Variants in CENPP observed in about 807,000 individuals in gnomAD.
The protein encoded by CENPP is centromere protein P.
A neutral mutation model predicts 35.6 loss-of-function variants in CENPP; 24 were observed. The observed-to-expected ratio is 0.67, with a 90% CI of 0.49 to 0.95. The LOEUF (loss-of-function observed/expected upper bound fraction) is 0.95. CENPP is among the 40% of genes least tolerant of loss of function. The probability of loss-of-function intolerance (pLI) is 0.00; values close to 1 mark genes in which losing one functional copy is unlikely to be tolerated. For missense variants in CENPP, 332 were observed against 345.3 expected (o/e 0.96, Z 0.31); for synonymous variants, 120 against 125.5 (o/e 0.96, Z 0.29).
intron 5 of CENPP, among the ~76,000 whole-genome samples, chr9:92,566,191 C>T (rs1024248489): frequency 1.3e-5 from 2 of 151,470 alleles, no homozygotes; most frequent in Non-Finnish European, 2.9e-5. Flanking sequence ...ATCCCAGCTA[C>T]TCGGGAGGCT....
intron 5 of CENPP, among the ~76,000 whole-genome samples, chr9:92,582,488 A>T (rs1850451089): frequency 6.6e-6 from 1 of 152,240 alleles, no homozygotes; most frequent in Admixed American, 6.5e-5. Flanking sequence ...TCTTCCCAAG[A>T]TAACAAGTGT....
At chr9:92,552,004 G>C (rs1287828053) in intron 5 of CENPP, among the ~76,000 whole-genome samples, 1 of 138,728 alleles carries the variant, frequency 7.2e-6, no homozygotes, top group African/African-American at 2.6e-5. Flanking sequence ...ATATATATGT[G>C]TATATATATG....
chr9:92,512,160 G>A, intron 5 of CENPP: 7 of 1,467,030 alleles, frequency 4.8e-6, no homozygotes, highest in Non-Finnish European at 6.7e-6. Context: ...TTAGGCATGT[G>A]TGCATATACA....
intron 5 of CENPP, among the ~76,000 whole-genome samples, chr9:92,597,503 C>T (rs1398886992): frequency 1.3e-5 from 2 of 152,008 alleles, no homozygotes; most frequent in Non-Finnish European, 2.9e-5. Flanking sequence ...GAGTTTAAAC[C>T]TTAATGATAA....
At chr9:92,475,683 C>T (rs1845689470) in intron 5 of CENPP, among the ~76,000 whole-genome samples, 1 of 152,196 alleles carries the variant, frequency 6.6e-6, no homozygotes, top group Admixed American at 6.5e-5. Flanking sequence ...TAACTGATTT[C>T]TCTCCACCTT....
chr9:92,613,800 C>G lies in CENPP; in HGVS notation c.*651C>G, dbSNP rs901617507. ...AATGAGGTCCTTTATGAAAGAAAGA[C>G]CCCCCTGCATAGCCTAAGTGCTATA... On this transcript the variant is annotated 3_prime_UTR_variant, in exon 8 of 8. Coordinates refer to ENST00000375587, the MANE Select transcript of CENPP (RefSeq NM_001012267.3). 2 of 153,702 alleles carry G rather than the reference C, an allele frequency of 1.3e-5. No individual in the cohort carries two copies. Among genetic ancestry groups the G allele is most frequent in the Non-Finnish European group, 2.9e-5 (2 of 69,020 alleles). The allele number at this position is 153,702 out of a possible 1,614,324, so 9.5% of individuals were successfully genotyped here.
chr9:92,424,848 G>T (rs1488924314), intron 5 of CENPP, among the ~76,000 whole-genome samples: 1 of 151,676 alleles, frequency 6.6e-6, no homozygotes, highest in East Asian at 1.9e-4. Flanking sequence ...CTAATTTCTT[G>T]TATTTTTAGT....
chr9:92,419,463 G>T (rs1252763083), intron 5 of CENPP, among the ~76,000 whole-genome samples: 1 of 151,820 alleles, frequency 6.6e-6, no homozygotes, highest in Non-Finnish European at 1.5e-5. Flanking sequence ...ACCACACCCG[G>T]CTAATTTTTG....
intron 4 of CENPP, among the ~76,000 whole-genome samples, chr9:92,358,621 A>G (rs1016897582): frequency 4.6e-5 from 7 of 152,088 alleles, no homozygotes; most frequent in African/African-American, 1.4e-4. Flanking sequence ...CTATTGTCCT[A>G]TCTCCAGGTT....
intron 5 of CENPP, among the ~76,000 whole-genome samples, chr9:92,514,387 G>A (rs578089338): frequency 1.3e-5 from 2 of 150,490 alleles, no homozygotes; most frequent in South Asian, 2.1e-4. Context: ...CGATTCTCCT[G>A]CCTCGGCCTT....
intron 5 of CENPP, among the ~76,000 whole-genome samples, chr9:92,390,547 A>T (rs1432905352): frequency 6.7e-6 from 1 of 148,834 alleles, no homozygotes; most frequent in Non-Finnish European, 1.5e-5. Context: ...AGTGACACAG[A>T]TTGAGAGAGA....
intron 5 of CENPP, among the ~76,000 whole-genome samples, chr9:92,458,910 A>G (rs1043488890): frequency 6.6e-6 from 1 of 152,170 alleles, no homozygotes; most frequent in African/African-American, 2.4e-5. Flanking sequence ...GTTTAAAGAT[A>G]CACCGGAAAG....
At chr9:92,469,385 C>G (rs1052730525) in intron 5 of CENPP, among the ~76,000 whole-genome samples, 10 of 152,098 alleles carry the variant, frequency 6.6e-5, no homozygotes, top group African/African-American at 2.4e-4. Flanking sequence ...GATTGAGCAT[C>G]CCTCAGTCTG....
At chr9:92,356,102 T>C (rs926530440) in intron 4 of CENPP, among the ~76,000 whole-genome samples, 1 of 152,168 alleles carries the variant, frequency 6.6e-6, no homozygotes, top group Non-Finnish European at 1.5e-5. Flanking sequence ...TATTTAAAAA[T>C]ATATGGAAGT....
chr9:92,417,144 T>C (rs1843638073), intron 5 of CENPP: 1 of 1,613,730 alleles, frequency 6.2e-7, no homozygotes, highest in African/African-American at 1.3e-5. Flanking sequence ...TTTGGAAGCT[T>C]AGCAAACACA....
chr9:92,511,665 T>C (rs570551019), intron 5 of CENPP, among the ~76,000 whole-genome samples: 1 of 152,078 alleles, frequency 6.6e-6, no homozygotes, highest in East Asian at 1.9e-4. Context: ...TTAACAGAGG[T>C]TCCAGATAGG....
In CENPP at chr9:92,380,469, T is replaced by C. The variant is rs547404089; in HGVS notation, c.564+610T>C. On this transcript the variant is annotated intron_variant, in intron 5 of 7. Coordinates refer to ENST00000375587, the MANE Select transcript of CENPP (RefSeq NM_001012267.3). ...CAGCAACCAGTTCTGAAAGTCAACT[T>C]AAATAATATTTCAGGGTTCAGATTC... is the stretch of plus-strand genomic sequence containing the variant. Among the ~76,000 whole-genome samples, 13 of 129,762 alleles carry C rather than the reference T, an allele frequency of 1.0e-4. No individual in the cohort carries two copies. The East Asian group carries it at 2.6e-3, about 26-fold the overall frequency. The allele number at this position is 129,762 out of a possible 152,430, so 85.1% of individuals were successfully genotyped here.
At chr9:92,370,698 T>C (rs1841987593) in intron 4 of CENPP, among the ~76,000 whole-genome samples, 2 of 152,192 alleles carry the variant, frequency 1.3e-5, no homozygotes, top group African/African-American at 4.8e-5. Context: ...GCCAAGCTGG[T>C]CTTGAACTCC....
intron 5 of CENPP, among the ~76,000 whole-genome samples, chr9:92,430,626 G>T (rs1844083588): frequency 6.6e-6 from 1 of 152,000 alleles, no homozygotes; most frequent in East Asian, 1.9e-4. Context: ...AAAGTTCTGG[G>T]ATTACAGGTG....
Sources: allele counts gnomAD v4.1 joint callset (sites outside exome capture counted in the v4.1 genomes callset), GRCh38; gene constraint gnomAD v4.1.1; transcripts MANE v1.5; gene names NCBI Gene and HGNC (gene_info 2026-07-23, HGNC 2026-07-21).